AKT3: variants seen among roughly 807,000 people sequenced by gnomAD.
AKT3 encodes the protein AKT serine/threonine kinase 3.
Under a neutral mutation model 65.3 loss-of-function variants are expected in AKT3, and 15 were observed. The ratio of observed to expected loss-of-function variants is 0.23; its 90% CI spans 0.15 to 0.35. AKT3 has a LOEUF of 0.35. Among genes scored for constraint, AKT3 ranks in the 10% least tolerant of loss-of-function variants. The pLI is 1.00. For synonymous variants in AKT3, 206 were observed against 183.8 expected, an observed-to-expected ratio of 1.12 and a Z score of -0.98; for missense variants, 243 against 576.5, an observed-to-expected ratio of 0.42 and a Z score of 5.92.
chr1:243,667,152 G>GT (rs1558699683), intron 3 of AKT3, among the ~76,000 whole-genome samples: 2 of 152,188 alleles, frequency 1.3e-5, no homozygotes, highest in Admixed American at 1.3e-4. Flanking sequence ...ATGAACTACT[G>GT]TAAGTGGGAG....
chr1:243,832,398 C>T (rs1694597264), intron 2 of AKT3, among the ~76,000 whole-genome samples: 1 of 152,098 alleles, frequency 6.6e-6, no homozygotes, highest in South Asian at 2.1e-4. Flanking sequence ...GTATGTGAAT[C>T]ATGAAGCTTA....
intron 2 of AKT3, among the ~76,000 whole-genome samples, chr1:243,713,075 A>T (rs1041857446): frequency 6.6e-6 from 1 of 152,196 alleles, no homozygotes; most frequent in African/African-American, 2.4e-5. Context: ...TCTCTACCTC[A>T]CCCCTAGTGG....
intron 13 of AKT3, among the ~76,000 whole-genome samples, chr1:243,492,615 T>TG (rs1253310795): frequency 2.8e-5 from 4 of 144,534 alleles, no homozygotes; most frequent in African/African-American, 1.0e-4. Flanking sequence ...TTTTTTTTTT[T>TG]TTTTTTTTTT....
intron 6 of AKT3, among the ~76,000 whole-genome samples, chr1:243,630,515 C>G (rs1253695373): frequency 2.6e-5 from 4 of 152,166 alleles, no homozygotes; most frequent in Non-Finnish European, 4.4e-5. Flanking sequence ...GTTCTAAACC[C>G]AGCAAGGGAA....
At chr1:243,828,258 C>A (rs1192986990) in intron 2 of AKT3, among the ~76,000 whole-genome samples, 2 of 152,132 alleles carry the variant, frequency 1.3e-5, no homozygotes, top group African/African-American at 4.8e-5. Context: ...GCTAATCACA[C>A]ATTATGAGCT....
intron 2 of AKT3, among the ~76,000 whole-genome samples, chr1:243,826,749 G>A (rs940765717): frequency 6.6e-6 from 1 of 152,118 alleles, no homozygotes; most frequent in Non-Finnish European, 1.5e-5. Context: ...AAAAGAAAAT[G>A]TCCTTTTTTG....
intron 2 of AKT3, among the ~76,000 whole-genome samples, chr1:243,795,462 GTT>G (rs1233986150): frequency 3.6e-4 from 38 of 105,398 alleles, no homozygotes; most frequent in African/African-American, 9.2e-4. Context: ...TTTTTTTTTT[GTT>G]TTTTTTTTTT....
chr1:243,614,068 C>T (rs1300038484), intron 7 of AKT3, among the ~76,000 whole-genome samples: 1 of 152,158 alleles, frequency 6.6e-6, no homozygotes, highest in Non-Finnish European at 1.5e-5. Flanking sequence ...TGCAACCTCA[C>T]AGCGTGGCCA....
At chr1:243,651,055 T>C (rs1313853947) in intron 4 of AKT3, among the ~76,000 whole-genome samples, 1 of 152,230 alleles carries the variant, frequency 6.6e-6, no homozygotes, top group East Asian at 1.9e-4. Flanking sequence ...TTTTTCCATT[T>C]GTTTGTGTCC....
At chr1:243,512,549 T>A in intron 12 of AKT3, 123 bp from the exon 13 acceptor site, 1 of 629,774 alleles carries the variant, frequency 1.6e-6, no homozygotes, top group African/African-American at 1.9e-5. Flanking sequence ...GCTGAGTCGC[T>A]GGGTAAGGGA....
At chr1:243,712,843 A>G (rs559261554) in intron 2 of AKT3, among the ~76,000 whole-genome samples, 2 of 152,304 alleles carry the variant, frequency 1.3e-5, no homozygotes, top group East Asian at 3.9e-4. Flanking sequence ...GATATATCAA[A>G]TCTCTAACAC....
intron 2 of AKT3, among the ~76,000 whole-genome samples, chr1:243,814,133 ATGTT>A (rs1558837448): frequency 6.6e-6 from 1 of 152,216 alleles, no homozygotes; most frequent in Non-Finnish European, 1.5e-5. Flanking sequence ...ATGTGACAAA[ATGTT>A]AAGGATATTT....
In AKT3 at chr1:243,552,919, G is replaced by T. The variant is rs1673171548; in HGVS notation, c.973C>A (p.Arg325=). ...PEVLEDNDYG[R]AVDWWGLGVV... ...CCTAGGCCCCACCAGTCTACTGCTC[G>T]GCCATAGTCATTATCTTCTAACACC... is the stretch of plus-strand genomic sequence containing the variant. Residue 325 remains arginine, a synonymous_variant, in exon 11 of 14, where the codon CGA becomes AGA. Transcript: ENST00000673466. 2.5e-6 allele frequency: 4 copies of T among 1,609,188 alleles called. No individual in the cohort carries two copies. Among genetic ancestry groups the T allele is most frequent in the African/African-American group, 1.3e-5 (1 of 74,592 alleles).
intron 2 of AKT3, among the ~76,000 whole-genome samples, chr1:243,782,999 A>G (rs759844481): frequency 6.6e-6 from 1 of 152,204 alleles, no homozygotes; most frequent in Non-Finnish European, 1.5e-5. Flanking sequence ...GGTCCCTAGC[A>G]CAGAGCTCCT....
intron 2 of AKT3, among the ~76,000 whole-genome samples, chr1:243,774,983 C>T (rs1197861313): frequency 1.3e-5 from 2 of 152,164 alleles, no homozygotes; most frequent in Non-Finnish European, 2.9e-5. Flanking sequence ...CCACCTCAGC[C>T]ACCTGAGTAG....
chr1:243,721,906 C>T (rs1474114056), intron 2 of AKT3, among the ~76,000 whole-genome samples: 4 of 152,000 alleles, frequency 2.6e-5, no homozygotes, highest in Non-Finnish European at 4.4e-5. Flanking sequence ...TATAAGTAAC[C>T]TAGGTATTAT....
At position 243,837,036 on chromosome 1, in the gene AKT3, T is replaced by C. The variant is rs551990892; in HGVS notation, c.46+6089A>G. Among the ~76,000 whole-genome samples, 7 of 151,946 alleles carry C rather than the reference T, an allele frequency of 4.6e-5. No homozygotes were observed. The East Asian group carries it at 1.2e-3, about 25-fold the overall frequency. ...TAATAAGGAGATATCGCTAAGATCT[T>C]ACAGACATTCAAAAGATAAGGGAGC... On this transcript the variant is annotated intron_variant, in intron 2 of 13. Transcript: ENST00000673466.
chr1:243,654,273 AATTTAT>A (rs1355332084), intron 4 of AKT3, among the ~76,000 whole-genome samples: 4 of 152,180 alleles, frequency 2.6e-5, no homozygotes, highest in Non-Finnish European at 4.4e-5. Flanking sequence ...TCAGGATCTC[AATTTAT>A]ATTACTTCAG....
At chr1:243,654,235 A>G (rs1360079141) in intron 4 of AKT3, among the ~76,000 whole-genome samples, 3 of 152,144 alleles carry the variant, frequency 2.0e-5, no homozygotes, top group African/African-American at 7.2e-5. Context: ...AAATACAGCA[A>G]CCTCACAAAA....
Sources: allele counts gnomAD v4.1 joint callset (sites outside exome capture counted in the v4.1 genomes callset), GRCh38; gene constraint gnomAD v4.1.1; transcripts MANE v1.5; gene names NCBI Gene and HGNC (gene_info 2026-07-23, HGNC 2026-07-21).